The following YRDC variants were observed in gnomAD, a reference collection of about 807,000 sequenced individuals.
The protein encoded by YRDC is threonylcarbamoyl-AMP synthase.
In YRDC, 17 loss-of-function variants were observed where a neutral mutation model predicts 21.5. That is an observed-to-expected ratio of 0.79 (90% confidence interval 0.54 to 1.19). The LOEUF (loss-of-function observed/expected upper bound fraction) is 1.19, where lower values mean the gene tolerates loss of function less well. Among genes scored for constraint, YRDC ranks in the 50% most tolerant of loss-of-function variants. The pLI is 0.00. For synonymous variants in YRDC, 193 were observed against 176.7 expected, an observed-to-expected ratio of 1.09 and a Z score of -0.73; for missense variants, 380 against 397.1, an observed-to-expected ratio of 0.96 and a Z score of 0.37.
Position 37,803,756 on chromosome 1 carries a change from C to T in YRDC, c.*169G>A, listed in dbSNP as rs1192132716. Reference sequence around the variant, plus strand: ...TCCTTTCCCCAGGTGCAAGGCTAAACCAGCAGCTCCAAGGGCTTGGTCTAC... The same window carrying T: ...TCCTTTCCCCAGGTGCAAGGCTAAATCAGCAGCTCCAAGGGCTTGGTCTAC... On this transcript the variant is annotated 3_prime_UTR_variant, in exon 5 of 5. Transcript: ENST00000373044. 9.9e-6 allele frequency: 6 copies of T among 606,068 alleles called. No homozygotes were observed. The highest frequency in any genetic ancestry group is 2.8e-5 in the East Asian group (1 of 35,410). The allele number at this position is 606,068 out of a possible 1,614,324, so 37.5% of individuals were successfully genotyped here. A position where few individuals can be genotyped will look rare whatever the true frequency, so the allele number is the denominator to read the frequency against.
At chr1:37,805,521 G>A (rs1021911971) in intron 3 of YRDC, among the ~76,000 whole-genome samples, 5 of 152,226 alleles carry the variant, frequency 3.3e-5, no homozygotes, top group Admixed American at 6.5e-5. Context: ...CCCCAAGGAA[G>A]ACACTGCAGT....
chr1:37,803,927 A>G lies in YRDC; in HGVS notation c.838T>C (p.Ter280ArgextTer20). The change falls in exon 5 of 5, where the codon TGA becomes CGA. Residue 280 changes from the stop codon to arginine (R), a stop_lost. Transcript: ENST00000373044. ...GGGCCTTCCTGCTTCCCAGAGTTTC[A>G]CAGGTAGGACGCATGTGAGGGGAGC... The part of the protein sequence containing the change: ...GLLPSHASYL[*>R] 6.2e-7 allele frequency: 1 copy of G among 1,614,046 alleles called. No individual in the cohort carries two copies. Among genetic ancestry groups the G allele is most frequent in the Non-Finnish European group, 8.5e-7 (1 of 1,180,008 alleles).
chr1:37,807,388 C>A lies in YRDC; in HGVS notation c.390-173G>T, dbSNP rs951558675. The A allele has an allele frequency of 4.5e-6, 3 of 671,608 alleles. No individual in the cohort carries two copies. In the South Asian group the frequency reaches 5.7e-5, roughly 13 times the overall value. 41.6% of individuals were successfully genotyped at this position (671,608 alleles called of 1,614,324 possible). A position where few individuals can be genotyped will look rare whatever the true frequency, so the allele number is the denominator to read the frequency against. On this transcript the variant is annotated intron_variant, in intron 1 of 4. Transcript: ENST00000373044. ...CAGAAAGCAGGGCTCCAGAGGCGCACCCCTGGCTTGACGCCCATGTGCCTC... is the reference window on the plus strand; with the variant it reads ...CAGAAAGCAGGGCTCCAGAGGCGCAACCCTGGCTTGACGCCCATGTGCCTC...
rs927820060 is a variant in YRDC at position 37,803,400 on chromosome 1, T to C, written c.*525A>G. On this transcript the variant is annotated 3_prime_UTR_variant, in exon 5 of 5. Transcript: ENST00000373044. ...TTATTAATTTTTATGAGACGGAGTA[T>C]TGCTATGTTGCCCAGGCTGATTCTG... The C allele has an allele frequency of 6.5e-6, 1 of 153,868 alleles. No homozygotes were observed. Among genetic ancestry groups the C allele is most frequent in the African/African-American group, 2.4e-5 (1 of 41,446 alleles). The allele number at this position is 153,868 out of a possible 1,614,324, so 9.5% of individuals were successfully genotyped here. A position where few individuals can be genotyped will look rare whatever the true frequency, so the allele number is the denominator to read the frequency against.
chr1:37,808,181 C>G lies in YRDC; in HGVS notation c.-1G>C. 9.7e-6 allele frequency: 14 copies of G among 1,437,830 alleles called. No homozygotes were observed. Among genetic ancestry groups the G allele is most frequent in the Non-Finnish European group, 1.3e-5 (14 of 1,100,306 alleles). The allele number at this position is 1,437,830 out of a possible 1,614,324, so 89.1% of individuals were successfully genotyped here. A position where few individuals can be genotyped will look rare whatever the true frequency, so the allele number is the denominator to read the frequency against. ...CCCTGCACCGACGCGCCGGAGACAT[C>G]CGCCCAGGCCCGCTTCCGGGAGGAA... On this transcript the variant is annotated 5_prime_UTR_variant, in exon 1 of 5. Coordinates refer to ENST00000373044, the MANE Select transcript of YRDC (RefSeq NM_024640.4).
intron 3 of YRDC, among the ~76,000 whole-genome samples, chr1:37,805,119 G>A (rs1002294536): frequency 6.6e-6 from 1 of 152,168 alleles, no homozygotes; most frequent in Non-Finnish European, 1.5e-5. Context: ...AGCCGGGCAT[G>A]GTGGCACACG....
At chr1:37,805,714 G>C (rs1274537863) in intron 3 of YRDC, among the ~76,000 whole-genome samples, 2 of 152,196 alleles carry the variant, frequency 1.3e-5, no homozygotes, top group Non-Finnish European at 2.9e-5. Flanking sequence ...AAGGGATGCT[G>C]AACTCTCACT....
chr1:37,804,138 A>C, intron 4 of YRDC, 141 bp from the exon 5 acceptor site: 8 of 1,435,164 alleles, frequency 5.6e-6, no homozygotes, highest in Non-Finnish European at 7.6e-6. Context: ...TTGAATCCTA[A>C]GAAAGCCAGG....
At position 37,807,999 on chromosome 1, in the gene YRDC, G is replaced by A; in HGVS notation, c.182C>T (p.Pro61Leu). The part of the protein sequence containing the change: ...PGSGAVQAAS[P>L]ERAGWTEALR... Reference sequence around the variant, plus strand: ...CGCCTCGGTCCAGCCGGCGCGCTCCGGGCTCGCGGCCTGCACGGCCCCGCT... The same window carrying A: ...CGCCTCGGTCCAGCCGGCGCGCTCCAGGCTCGCGGCCTGCACGGCCCCGCT... Residue 61 changes from proline (P) to leucine (L), a missense_variant, in exon 1 of 5, where the codon CCG becomes CTG. Coordinates refer to ENST00000373044, the MANE Select transcript of YRDC (RefSeq NM_024640.4). 2 of 1,203,274 alleles carry A rather than the reference G, an allele frequency of 1.7e-6. No homozygotes were observed. The highest frequency in any genetic ancestry group is 4.0e-5 in the South Asian group (1 of 24,870). The allele number at this position is 1,203,274 out of a possible 1,614,324, so 74.5% of individuals were successfully genotyped here.
At chr1:37,807,727 A>G in intron 1 of YRDC, 65 bp downstream of exon 1, 1 of 1,407,490 alleles carries the variant, frequency 7.1e-7, no homozygotes, top group Non-Finnish European at 9.3e-7. Flanking sequence ...CAGTCTCCCA[A>G]GCCTGTCACC....
intron 3 of YRDC, among the ~76,000 whole-genome samples, chr1:37,806,256 A>G (rs1363766407): frequency 1.3e-5 from 2 of 151,396 alleles, no homozygotes; most frequent in Non-Finnish European, 2.9e-5. Flanking sequence ...CCTGGAGTAC[A>G]GTGGCACAAT....
chr1:37,804,861 T>G (rs1279126310), intron 3 of YRDC, among the ~76,000 whole-genome samples: 16 of 152,246 alleles, frequency 1.1e-4, no homozygotes, highest in African/African-American at 3.9e-4. Context: ...TAGATGATCC[T>G]ATGTCCTCAT....
chr1:37,807,916 T>A lies in YRDC; in HGVS notation c.265A>T (p.Thr89Ser). ...AGAVVAVPTD[T>S]LYGLACAASC... ...GCCGCGCAGGCCAGGCCGTACAGCG[T>A]ATCGGTGGGGACGGCCACCACGGCG... is the stretch of plus-strand genomic sequence containing the variant. The change falls in exon 1 of 5, where the codon ACG becomes TCG. Residue 89 changes from threonine to serine, a missense_variant. Coordinates refer to ENST00000373044, the MANE Select transcript of YRDC (RefSeq NM_024640.4). 10 of 1,301,006 alleles carry A rather than the reference T, an allele frequency of 7.7e-6. No individual in the cohort carries two copies. The highest frequency in any genetic ancestry group is 9.8e-6 in the Non-Finnish European group (10 of 1,020,572). 80.6% of individuals were successfully genotyped at this position (1,301,006 alleles called of 1,614,324 possible). A position where few individuals can be genotyped will look rare whatever the true frequency, so the allele number is the denominator to read the frequency against.
In YRDC at chr1:37,808,094, G is replaced by A; in HGVS notation, c.87C>T (p.Ser29=). The stretch of plus-strand genomic sequence containing the variant: ...GACTCGGCGGGCGGAAGAGGCGACC[G>A]CTCCGGGAGCCAGCAGGCCCCTCGC... ...GLSEGPAGSR[S]GRLFRPPSPA... Residue 29 remains serine, a synonymous_variant, in exon 1 of 5, where the codon AGC becomes AGT. Transcript: ENST00000373044. 4 of 1,394,256 alleles carry A rather than the reference G, an allele frequency of 2.9e-6. No homozygotes were observed. Among genetic ancestry groups the A allele is most frequent in the Admixed American group, 3.2e-5 (1 of 31,140 alleles). 86.4% of individuals were successfully genotyped at this position (1,394,256 alleles called of 1,614,324 possible).
chr1:37,807,091 C>T lies in YRDC; in HGVS notation c.504+10G>A. 1 of 1,614,146 alleles carries T rather than the reference C, an allele frequency of 6.2e-7. No individual in the cohort carries two copies. The highest frequency in any genetic ancestry group is 8.5e-7 in the Non-Finnish European group (1 of 1,180,002). On this transcript the variant is annotated intron_variant, in intron 2 of 4. Transcript: ENST00000373044. Reference sequence around the variant, plus strand: ...TGGAGTCTGGGGACACAAGAGAAAACTTGACTCACAGGCGTAAAAGGGTTT... The same window carrying T: ...TGGAGTCTGGGGACACAAGAGAAAATTTGACTCACAGGCGTAAAAGGGTTT...
chr1:37,806,708 A>C, intron 3 of YRDC, 149 bp downstream of exon 3: 1 of 1,263,324 alleles, frequency 7.9e-7, no homozygotes, highest in Non-Finnish European at 1.1e-6. Context: ...ATTGCCCCCC[A>C]CCACCTCCCT....
intron 3 of YRDC, among the ~76,000 whole-genome samples, chr1:37,806,201 C>CTT (rs398052912): frequency 1.0e-3 from 146 of 144,324 alleles, no homozygotes; most frequent in Admixed American, 1.7e-3. Context: ...TAAACTTCAT[C>CTT]TTTTTTTTTT....
In YRDC at chr1:37,807,653, G is replaced by A. The variant is rs1646749203; in HGVS notation, c.389+139C>T. 17 of 1,339,664 alleles carry A rather than the reference G, an allele frequency of 1.3e-5. No individual in the cohort carries two copies. In the South Asian group the frequency reaches 2.3e-4, roughly 18 times the overall value. 83.0% of individuals were successfully genotyped at this position (1,339,664 alleles called of 1,614,324 possible). On this transcript the variant is annotated intron_variant, in intron 1 of 4. Transcript: ENST00000373044. ...GGGCCCGGGGCACGTTAAGTCCTCG[G>A]TACATATTTCCAGTTCCGGATTCCT...
At position 37,803,854 on chromosome 1, in the gene YRDC, C is replaced by CTT; in HGVS notation, c.*69_*70dup. On this transcript the variant is annotated 3_prime_UTR_variant, in exon 5 of 5. Coordinates refer to ENST00000373044, the MANE Select transcript of YRDC (RefSeq NM_024640.4). Reference sequence around the variant, plus strand: ...CTCCGGTGGCCTCTGCAAATGAGGCCTTGACAGTCGTCAGTGGACAGACAC... The same window carrying CTT: ...CTCCGGTGGCCTCTGCAAATGAGGCCTTTTGACAGTCGTCAGTGGACAGACAC... 6.4e-7 allele frequency: 1 copy of CTT among 1,571,518 alleles called. No homozygotes were observed. Among genetic ancestry groups the CTT allele is most frequent in the South Asian group, 1.1e-5 (1 of 88,952 alleles).
Sources: allele counts gnomAD v4.1 joint callset (sites outside exome capture counted in the v4.1 genomes callset), GRCh38; gene constraint gnomAD v4.1.1; transcripts MANE v1.5; gene names NCBI Gene and HGNC (gene_info 2026-07-23, HGNC 2026-07-21).